Variants in FAM117A observed in about 807,000 individuals in gnomAD.
FAM117A encodes the protein protein FAM117A.
In FAM117A, 21 loss-of-function variants were observed where a neutral mutation model predicts 44.1. The ratio of observed to expected loss-of-function variants is 0.48; its 90% CI spans 0.34 to 0.69. FAM117A has a LOEUF of 0.69. Among genes scored for constraint, FAM117A ranks in the 30% least tolerant of loss-of-function variants. The pLI is 0.01. For missense variants in FAM117A, 498 were observed against 589.9 expected, an observed-to-expected ratio of 0.84 and a Z score of 1.61; for synonymous variants, 220 against 238.3, an observed-to-expected ratio of 0.92 and a Z score of 0.71.
intron 1 of FAM117A, among the ~76,000 whole-genome samples, chr17:49,759,696 T>C (rs1002678192): frequency 1.3e-5 from 2 of 152,310 alleles, no homozygotes; most frequent in South Asian, 4.1e-4. Flanking sequence ...TCCAGACCTA[T>C]CTAAACACCT....
chr17:49,722,413 G>A (rs919860994), intron 3 of FAM117A, 86 bp downstream of exon 3: 36 of 1,089,606 alleles, frequency 3.3e-5, no homozygotes, highest in Non-Finnish European at 4.6e-5. Flanking sequence ...GCAGTGTGAC[G>A]CCACCATGGA....
intron 2 of FAM117A, among the ~76,000 whole-genome samples, chr17:49,732,085 C>G (rs558132143): frequency 2.4e-4 from 36 of 152,306 alleles, no homozygotes; most frequent in Non-Finnish European, 4.4e-4. Context: ...TGCGCCCAGC[C>G]TAAATCTCAT....
chr17:49,752,596 G>A (rs1019411917), intron 1 of FAM117A, among the ~76,000 whole-genome samples: 2 of 152,050 alleles, frequency 1.3e-5, no homozygotes, highest in African/African-American at 4.8e-5. Flanking sequence ...CCCAAGCTCA[G>A]TAACCATGAC....
intron 1 of FAM117A, among the ~76,000 whole-genome samples, chr17:49,769,483 G>A (rs959111212): frequency 6.6e-6 from 1 of 151,830 alleles, no homozygotes; most frequent in African/African-American, 2.4e-5. Context: ...TGGATCACGA[G>A]GTCAGGAGAT....
upstream of FAM117A, among the ~76,000 whole-genome samples, chr17:49,764,621 T>TTAA (rs2073739419): frequency 1.3e-5 from 2 of 152,224 alleles, no homozygotes; most frequent in Admixed American, 6.5e-5. Flanking sequence ...CTTCAAAAAG[T>TTAA]ATTACATTTA....
intron 1 of FAM117A, among the ~76,000 whole-genome samples, chr17:49,775,415 C>T (rs978419463): frequency 1.3e-5 from 2 of 152,190 alleles, no homozygotes; most frequent in Non-Finnish European, 2.9e-5. Context: ...ACATCTATTC[C>T]ACAAGACGGC....
upstream of FAM117A, chr17:49,788,630 C>A: frequency 2.0e-6 from 1 of 504,716 alleles, no homozygotes; most frequent in Non-Finnish European, 3.5e-6. Context: ...TCAGGTGACG[C>A]GAGACCCAGC....
chr17:49,777,069 C>A (rs1353075108), intron 1 of FAM117A, among the ~76,000 whole-genome samples: 2 of 152,232 alleles, frequency 1.3e-5, no homozygotes, highest in Non-Finnish European at 2.9e-5. Flanking sequence ...GCCTGCCCAG[C>A]CTGCCAGAAT....
At chr17:49,785,615 G>T (rs1023306610) in intron 1 of FAM117A, among the ~76,000 whole-genome samples, 5 of 152,108 alleles carry the variant, frequency 3.3e-5, no homozygotes, top group African/African-American at 1.2e-4. Context: ...GCCCTGTACT[G>T]GACACTAGTA....
chr17:49,731,447 CAT>C (rs1487341249), intron 2 of FAM117A, among the ~76,000 whole-genome samples: 1 of 151,216 alleles, frequency 6.6e-6, no homozygotes, highest in Non-Finnish European at 1.5e-5. Context: ...TATAATTTCA[CAT>C]ATGAGATACG....
At chr17:49,788,294 G>A (rs1446621447) in intron 1 of FAM117A, among the ~76,000 whole-genome samples, 1 of 152,086 alleles carries the variant, frequency 6.6e-6, no homozygotes, top group African/African-American at 2.4e-5. Flanking sequence ...TATAATAAAC[G>A]GAAACGTCCT....
At chr17:49,788,795 C>G, upstream of FAM117A, 1 of 1,570,692 alleles carries the variant, frequency 6.4e-7, no homozygotes, top group Non-Finnish European at 8.6e-7. Flanking sequence ...CTGCTGCCGC[C>G]GCTGCCCGAA....
intron 3 of FAM117A, among the ~76,000 whole-genome samples, chr17:49,720,695 T>C (rs1230445652): frequency 6.6e-6 from 1 of 152,178 alleles, no homozygotes; most frequent in African/African-American, 2.4e-5. Context: ...CCATTTTGTC[T>C]TTTACAGATT....
At position 49,717,543 on chromosome 17, in the gene FAM117A, C is replaced by T. The variant is rs771591087; in HGVS notation, c.880G>A (p.Glu294Lys). ...ASHEEHRGAA[E>K]ELASTPNDKA... ...TCGTTGGGGGTGGATGCCAGCTCCT[C>T]GGCGGCACCCCGATGTTCCTCATGA... is the stretch of plus-strand genomic sequence containing the variant. The change falls in exon 6 of 8, where the codon GAG becomes AAG. Residue 294 changes from glutamate (E) to lysine (K), a missense_variant. By Grantham distance (56) the Glu-to-Lys change is moderately conservative. This residue lies in a region of FAM117A where 224 missense variants were observed against 296.5 expected (regional missense o/e 0.76). Coordinates refer to ENST00000240364, the MANE Select transcript of FAM117A (RefSeq NM_030802.4). 1.4e-5 allele frequency: 23 copies of T among 1,613,936 alleles called. No homozygotes were observed. The highest frequency in any genetic ancestry group is 1.6e-4 in the Middle Eastern group (1 of 6,076).
chr17:49,783,950 T>C (rs534800278), intron 1 of FAM117A, among the ~76,000 whole-genome samples: 1 of 152,314 alleles, frequency 6.6e-6, no homozygotes, highest in East Asian at 1.9e-4. Flanking sequence ...AAGCCTTTCC[T>C]AGCTGAGTCA....
intron 2 of FAM117A, among the ~76,000 whole-genome samples, chr17:49,725,841 T>C (rs1010436797): frequency 6.6e-6 from 1 of 152,226 alleles, no homozygotes; most frequent in Non-Finnish European, 1.5e-5. Context: ...CTAAATACCA[T>C]TACAAACGTC....
chr17:49,768,494 T>C (rs1020224818), upstream of FAM117A, among the ~76,000 whole-genome samples: 1 of 152,208 alleles, frequency 6.6e-6, no homozygotes, highest in Admixed American at 6.5e-5. Flanking sequence ...CTTACGTCTT[T>C]GCTCCCCACT....
At chr17:49,723,747 A>G (rs1338078975) in intron 2 of FAM117A, among the ~76,000 whole-genome samples, 3 of 152,060 alleles carry the variant, frequency 2.0e-5, no homozygotes, top group African/African-American at 7.3e-5. Context: ...TTGTGAGAGC[A>G]GACGGCCGTA....
chr17:49,746,536 A>T (rs998081915), intron 1 of FAM117A, among the ~76,000 whole-genome samples: 2 of 152,256 alleles, frequency 1.3e-5, no homozygotes, highest in Non-Finnish European at 2.9e-5. Context: ...TCAAGATACT[A>T]AGTGAAAGAG....
Sources: allele counts gnomAD v4.1 joint callset (sites outside exome capture counted in the v4.1 genomes callset), GRCh38; gene constraint gnomAD v4.1.1; regional missense constraint gnomAD v4.1.1; transcripts MANE v1.5; gene names NCBI Gene and HGNC (gene_info 2026-07-23, HGNC 2026-07-21).